FOXN3: variants seen among roughly 807,000 people sequenced by gnomAD.
The protein encoded by FOXN3 is forkhead box N3, also known as forkhead box protein N3.
Under a neutral mutation model 38.4 loss-of-function variants are expected in FOXN3, and 7 were observed. The ratio of observed to expected loss-of-function variants is 0.18; its 90% CI spans 0.10 to 0.34. The LOEUF is 0.34. Ranked by LOEUF, FOXN3 falls within the 10% of genes least tolerant of loss-of-function variation. The probability of loss-of-function intolerance (pLI) is 1.00; values close to 1 mark genes in which losing one functional copy is unlikely to be tolerated. For synonymous variants in FOXN3, 230 were observed against 242.2 expected (o/e 0.95, Z 0.47); for missense variants, 456 against 613.4 (o/e 0.74, Z 2.71).
intron 1 of FOXN3, among the ~76,000 whole-genome samples, chr14:89,413,739 AGAAGG>A (rs924384714): frequency 3.8e-5 from 5 of 132,294 alleles, no homozygotes; most frequent in African/African-American, 1.1e-4. Flanking sequence ...AAGGGAAGGG[AGAAGG>A]GAAGGGAAGG....
chr14:89,261,295 G>C (rs1025104607), intron 4 of FOXN3, among the ~76,000 whole-genome samples: 1 of 152,182 alleles, frequency 6.6e-6, no homozygotes, highest in Non-Finnish European at 1.5e-5. Flanking sequence ...ATCACTGTGG[G>C]TCTGACTTCC....
At position 89,529,807 on chromosome 14, in the gene FOXN3, G is replaced by T. The variant is rs868187678; in HGVS notation, c.-15+89221C>A. Among the ~76,000 whole-genome samples, 4 of 152,180 alleles carry T rather than the reference G, an allele frequency of 2.6e-5. No homozygotes were observed. The South Asian group carries it at 6.2e-4, about 24-fold the overall frequency. ...CTGTAGTTTTGAGTCTTGGGAGGCT[G>T]AGGTGGGAGGATCCCCTGAGCCCAG... is the stretch of plus-strand genomic sequence containing the variant. On this transcript the variant is annotated intron_variant, in intron 1 of 6. Coordinates refer to the FOXN3 transcript ENST00000345097.
chr14:89,456,168 C>T (rs140314602), intron 1 of FOXN3, among the ~76,000 whole-genome samples: 21,743 of 133,668 alleles, frequency 0.16, 1,900 homozygotes, highest in Middle Eastern at 0.3. Flanking sequence ...CACTCCAGCC[C>T]GGGCAACAGT....
chr14:89,370,129 A>G (rs540599142), intron 2 of FOXN3, among the ~76,000 whole-genome samples: 2 of 152,378 alleles, frequency 1.3e-5, no homozygotes, highest in East Asian at 3.9e-4. Context: ...AGTCAAAGTC[A>G]CTATTGTCTT....
chr14:89,379,585 C>T (rs1158619895), intron 2 of FOXN3, among the ~76,000 whole-genome samples: 2 of 152,112 alleles, frequency 1.3e-5, no homozygotes, highest in African/African-American at 2.4e-5. Flanking sequence ...TCAGCTTTGG[C>T]AGAAAGGGAA....
At chr14:89,469,668 G>T (rs1023700191) in intron 1 of FOXN3, among the ~76,000 whole-genome samples, 1 of 152,216 alleles carries the variant, frequency 6.6e-6, no homozygotes, top group Admixed American at 6.5e-5. Flanking sequence ...TTGCCCCAGT[G>T]GATGAACGGA....
chr14:89,506,610 CCT>C (rs1893945743), intron 1 of FOXN3, among the ~76,000 whole-genome samples: 2 of 152,182 alleles, frequency 1.3e-5, no homozygotes, highest in Non-Finnish European at 2.9e-5. Context: ...CGGCCACCAC[CCT>C]GTCTGGGAGG....
At chr14:89,251,631 A>T (rs1181730348) in intron 4 of FOXN3, among the ~76,000 whole-genome samples, 1 of 152,244 alleles carries the variant, frequency 6.6e-6, no homozygotes, top group Non-Finnish European at 1.5e-5. Flanking sequence ...CATGGACCTA[A>T]TCAAGTACTT....
At chr14:89,323,132 C>CA (rs1566956071) in intron 3 of FOXN3, among the ~76,000 whole-genome samples, 1 of 151,404 alleles carries the variant, frequency 6.6e-6, no homozygotes, top group Non-Finnish European at 1.5e-5. Flanking sequence ...ACTAAAAATA[C>CA]AAAAAATTAG....
At chr14:89,309,919 G>A (rs1341459453) in intron 3 of FOXN3, among the ~76,000 whole-genome samples, 1 of 152,230 alleles carries the variant, frequency 6.6e-6, no homozygotes, top group Admixed American at 6.5e-5. Flanking sequence ...GACTGGGCAA[G>A]CCCAGATCTC....
chr14:89,566,895 A>T (rs1391876789), intron 1 of FOXN3, among the ~76,000 whole-genome samples: 1 of 118,092 alleles, frequency 8.5e-6, no homozygotes, highest in African/African-American at 3.3e-5. Context: ...TCCTTCCCCT[A>T]CCCCCTCCTT....
chr14:89,253,781 C>G (rs1885534650), intron 4 of FOXN3, among the ~76,000 whole-genome samples: 1 of 152,186 alleles, frequency 6.6e-6, no homozygotes, highest in South Asian at 2.1e-4. Flanking sequence ...TTTCAAGACC[C>G]CAATCTCTTT....
In FOXN3 at chr14:89,350,770, C is replaced by T. The variant is rs1300921987; in HGVS notation, c.582G>A (p.Glu194=). 9 of 1,599,498 alleles carry T rather than the reference C, an allele frequency of 5.6e-6. No homozygotes were observed. The highest frequency in any genetic ancestry group is 7.7e-6 in the Non-Finnish European group (9 of 1,174,840). Residue 194 remains glutamate (E), a synonymous_variant, in exon 3 of 6, where the codon GAG becomes GAA. Transcript: ENST00000557258. ...GKGSLWCIDP[E]YRQNLIQALK... ...AAGCCTGAATTAGATTTTGTCTATACTCTGGGTCTATGCACCACAACGACC... is the reference window on the plus strand; with the variant it reads ...AAGCCTGAATTAGATTTTGTCTATATTCTGGGTCTATGCACCACAACGACC...
rs1362981389 is a variant in FOXN3 at position 89,412,088 on chromosome 14, G to C, written c.389C>G (p.Ser130Cys). Residue 130 changes from serine (S) to cysteine (C), a missense_variant, in exon 2 of 6, where the codon TCT (serine) becomes TGT (cysteine). By Grantham distance (112) the Ser-to-Cys change is moderately radical (BLOSUM62 -1). This residue lies in a region of FOXN3 where 386 missense variants were observed against 505.2 expected (regional missense o/e 0.76). Coordinates refer to ENST00000557258, the MANE Select transcript of FOXN3 (RefSeq NM_005197.4). This position sits in a 1 kb window ranked among gnomAD's most constrained non-coding sequence, Gnocchi z 4.7. ...CTTCACTGGCAGGCGCTTGGTTGGA[G>C]AGTCCTCGATGGCCATAAATATGAG... ...SCLIFMAIEDSPTKRLPVKDI... is the reference protein window; with the variant it reads ...SCLIFMAIEDCPTKRLPVKDI... The C allele has an allele frequency of 1.2e-6, 2 of 1,613,298 alleles. No individual in the cohort carries two copies. Among genetic ancestry groups the C allele is most frequent in the East Asian group, 2.2e-5 (1 of 44,864 alleles).
chr14:89,508,702 A>G (rs1290054679), intron 1 of FOXN3, among the ~76,000 whole-genome samples: 1 of 152,116 alleles, frequency 6.6e-6, no homozygotes, highest in African/African-American at 2.4e-5. Flanking sequence ...TGCTTCTCCA[A>G]TGTTCGTGGG....
intron 1 of FOXN3, among the ~76,000 whole-genome samples, chr14:89,432,222 T>C (rs558828823): frequency 1.3e-5 from 2 of 152,276 alleles, no homozygotes; most frequent in South Asian, 4.1e-4. Context: ...TTCCTAGCAA[T>C]GTGTCTTGCA....
intron 5 of FOXN3, among the ~76,000 whole-genome samples, chr14:89,165,239 T>C (rs1321376407): frequency 1.3e-5 from 2 of 152,210 alleles, no homozygotes; most frequent in African/African-American, 2.4e-5. Context: ...TGTGCTCATA[T>C]CCCAGTGTTG....
chr14:89,486,320 C>T (rs1269997412), intron 1 of FOXN3, among the ~76,000 whole-genome samples: 1 of 152,056 alleles, frequency 6.6e-6, no homozygotes, highest in Non-Finnish European at 1.5e-5. Context: ...CGACTCACAC[C>T]AGAATTTTAA....
chr14:89,571,099 T>G (rs553686864), intron 1 of FOXN3, among the ~76,000 whole-genome samples: 1 of 152,176 alleles, frequency 6.6e-6, no homozygotes, highest in South Asian at 2.1e-4. Context: ...ACCTACAGAC[T>G]CTTACTTTGA....
Sources: gnomAD v4.1 joint callset for allele counts (sites outside exome capture counted in the v4.1 genomes callset) on GRCh38, gnomAD v4.1.1 for gene constraint, gnomAD v4.1.1 regional missense constraint, Gnocchi (gnomAD v3.1) non-coding constraint, MANE v1.5 for transcripts, NCBI Gene and HGNC (gene_info 2026-07-23, HGNC 2026-07-21) for gene names.